CDH13: variants seen among roughly 807,000 people sequenced by gnomAD.
CDH13 encodes the protein cadherin 13, also known as cadherin-13.
CDH13 carries 24 observed loss-of-function variants against 63.8 expected under a neutral mutation model. The observed-to-expected ratio is 0.38, with a 90% CI of 0.27 to 0.53. The LOEUF is 0.53. CDH13 is among the 20% of genes least tolerant of loss of function. The probability of loss-of-function intolerance (pLI) is 0.85; values close to 1 mark genes in which losing one functional copy is unlikely to be tolerated. For synonymous variants in CDH13, 503 were observed against 355.3 expected (o/e 1.42, Z -4.67); for missense variants, 1,049 against 903.1 (o/e 1.16, Z -2.07).
At chr16:82,673,040 C>A (rs547140368) in intron 1 of CDH13, among the ~76,000 whole-genome samples, 1 of 112,176 alleles carries the variant, frequency 8.9e-6, no homozygotes, top group Admixed American at 1.2e-4. Flanking sequence ...TGGGGTCTTC[C>A]TGTGTTGCCC....
In CDH13 at chr16:83,075,597, G is replaced by T. The variant is rs148208859; in HGVS notation, c.366+43379G>T. On this transcript the variant is annotated intron_variant, in intron 3 of 13. Coordinates refer to ENST00000567109, the MANE Select transcript of CDH13 (RefSeq NM_001257.5). ...ACTCTCATCATGTTTGGATTCAGAT[G>T]AACTTTGATGTTCTGTGTGAGGTGG... Among the ~76,000 whole-genome samples, 3 of 152,318 alleles carry T rather than the reference G, an allele frequency of 2.0e-5. No individual in the cohort carries two copies. In the East Asian group the frequency reaches 5.8e-4, roughly 29 times the overall value.
chr16:83,073,099 G>A (rs1035992925), intron 3 of CDH13, among the ~76,000 whole-genome samples: 6 of 152,104 alleles, frequency 3.9e-5, no homozygotes, highest in African/African-American at 1.4e-4. Flanking sequence ...TGACAACCTG[G>A]AACCCCATGA....
At chr16:83,144,806 A>G (rs2036677973) in intron 4 of CDH13, among the ~76,000 whole-genome samples, 1 of 152,226 alleles carries the variant, frequency 6.6e-6, no homozygotes, top group Non-Finnish European at 1.5e-5. Flanking sequence ...CCAGGTGTCT[A>G]TTTCAAGAAC....
intron 10 of CDH13, among the ~76,000 whole-genome samples, chr16:83,731,449 C>G (rs1174480087): frequency 6.6e-6 from 1 of 152,044 alleles, no homozygotes; most frequent in Admixed American, 6.6e-5. Flanking sequence ...GTTTGTTGAC[C>G]GCACGTATGT....
intron 3 of CDH13, among the ~76,000 whole-genome samples, chr16:83,114,696 C>G (rs754341446): frequency 2.0e-5 from 3 of 152,192 alleles, no homozygotes; most frequent in Non-Finnish European, 4.4e-5. Flanking sequence ...TCTTGCCTCT[C>G]CAACCTTTTA....
chr16:82,756,519 C>T (rs991445682), intron 1 of CDH13, among the ~76,000 whole-genome samples: 3 of 152,150 alleles, frequency 2.0e-5, no homozygotes, highest in African/African-American at 7.2e-5. Flanking sequence ...CCAAGTTTCT[C>T]AGTATCTTTC....
At chr16:83,255,195 T>G (rs1309311524) in intron 5 of CDH13, among the ~76,000 whole-genome samples, 3 of 152,174 alleles carry the variant, frequency 2.0e-5, no homozygotes, top group African/African-American at 4.8e-5. Flanking sequence ...TTGAAACTAA[T>G]TGTGCCAAGT....
At chr16:83,195,702 C>A (rs1390290527) in intron 4 of CDH13, among the ~76,000 whole-genome samples, 1 of 152,038 alleles carries the variant, frequency 6.6e-6, no homozygotes, top group African/African-American at 2.4e-5. Context: ...AGATCCAAAC[C>A]ATAGCAATAT....
chr16:82,849,901 C>T (rs1041288680), intron 1 of CDH13, among the ~76,000 whole-genome samples: 1 of 152,188 alleles, frequency 6.6e-6, no homozygotes, highest in Non-Finnish European at 1.5e-5. Context: ...ATTTTAAGCC[C>T]ACTATTGAGA....
chr16:82,962,817 C>T (rs1035919740), intron 2 of CDH13, among the ~76,000 whole-genome samples: 2 of 152,156 alleles, frequency 1.3e-5, no homozygotes, highest in South Asian at 2.1e-4. Flanking sequence ...AAAAGCAAGA[C>T]GTGTGAAATA....
intron 3 of CDH13, among the ~76,000 whole-genome samples, chr16:83,116,534 G>T (rs1318835443): frequency 7.6e-6 from 1 of 131,948 alleles, no homozygotes; most frequent in African/African-American, 2.6e-5. Flanking sequence ...AGAGGGTGAA[G>T]TTCATGGAAA....
chr16:82,675,987 A>T (rs1567615764), intron 1 of CDH13, among the ~76,000 whole-genome samples: 1 of 152,154 alleles, frequency 6.6e-6, no homozygotes, highest in Non-Finnish European at 1.5e-5. Flanking sequence ...GTATGCTCAA[A>T]CTCAATTCCC....
At chr16:83,022,749 C>A (rs973099660) in intron 2 of CDH13, among the ~76,000 whole-genome samples, 1 of 152,156 alleles carries the variant, frequency 6.6e-6, no homozygotes, top group Non-Finnish European at 1.5e-5. Context: ...TGAAAGGGCC[C>A]CACAACTTAT....
intron 11 of CDH13, among the ~76,000 whole-genome samples, chr16:83,752,012 T>C (rs1257012505): frequency 6.6e-6 from 1 of 152,148 alleles, no homozygotes. Context: ...AAGGAAGAGG[T>C]CTGGACAGAG....
chr16:82,675,448 C>A (rs1323105185), intron 1 of CDH13, among the ~76,000 whole-genome samples: 1 of 152,140 alleles, frequency 6.6e-6, no homozygotes, highest in Non-Finnish European at 1.5e-5. Flanking sequence ...CACAGCTTTT[C>A]CAGGACCCAG....
chr16:83,051,170 A>T (rs2030291266), intron 3 of CDH13, among the ~76,000 whole-genome samples: 1 of 152,188 alleles, frequency 6.6e-6, no homozygotes, highest in Non-Finnish European at 1.5e-5. Context: ...CAGTCTTCCC[A>T]TGCTTACTGA....
intron 5 of CDH13, among the ~76,000 whole-genome samples, chr16:83,265,873 G>A (rs1907559094): frequency 1.3e-5 from 2 of 151,622 alleles, no homozygotes; most frequent in Admixed American, 6.6e-5. Flanking sequence ...GAAAACTGAT[G>A]AGCCTCAAAA....
At chr16:83,406,499 C>A (rs2092049676) in intron 6 of CDH13, among the ~76,000 whole-genome samples, 1 of 150,224 alleles carries the variant, frequency 6.7e-6, no homozygotes, top group Admixed American at 6.7e-5. Context: ...AGTCTTGCTT[C>A]ATCGCCCAGG....
chr16:82,838,391 T>C (rs1327879327), intron 1 of CDH13, among the ~76,000 whole-genome samples: 1 of 152,198 alleles, frequency 6.6e-6, no homozygotes, highest in Non-Finnish European at 1.5e-5. Context: ...ATTTGCCTCA[T>C]GGATATTGGG....
Sources: gnomAD v4.1 joint callset for allele counts (sites outside exome capture counted in the v4.1 genomes callset) on GRCh38, gnomAD v4.1.1 for gene constraint, MANE v1.5 for transcripts, NCBI Gene and HGNC (gene_info 2026-07-23, HGNC 2026-07-21) for gene names.